RARB: variants seen among roughly 807,000 people sequenced by gnomAD.
RARB encodes HBV-activated protein.
Under a neutral mutation model 51.9 loss-of-function variants are expected in RARB, and 17 were observed. The observed-to-expected ratio is 0.33, with a 90% CI of 0.22 to 0.49. The LOEUF (loss-of-function observed/expected upper bound fraction) is 0.49, where lower values mean the gene tolerates loss of function less well. Among genes scored for constraint, RARB ranks in the 20% least tolerant of loss-of-function variants. The pLI, the probability that RARB is intolerant of heterozygous loss-of-function variation, is 0.99. For missense variants in RARB, 369 were observed against 550.8 expected, an observed-to-expected ratio of 0.67 and a Z score of 3.30; for synonymous variants, 215 against 195.4, an observed-to-expected ratio of 1.10 and a Z score of -0.84.
At chr3:24,854,242 G>T (rs578104972) in intron 1 of RARB, among the ~76,000 whole-genome samples, 1 of 152,184 alleles carries the variant, frequency 6.6e-6, no homozygotes, top group African/African-American at 2.4e-5. Context: ...TAGTAAATGA[G>T]CTGAGGGGTC....
intron 2 of RARB, among the ~76,000 whole-genome samples, chr3:24,964,438 T>G (rs1209744800): frequency 6.6e-6 from 1 of 152,198 alleles, no homozygotes. Flanking sequence ...TTGAGTCATC[T>G]TTTCAAGACC....
chr3:25,068,097 G>T (rs1320706605), intron 3 of RARB, among the ~76,000 whole-genome samples: 1 of 118,352 alleles, frequency 8.4e-6, no homozygotes, highest in Non-Finnish European at 1.6e-5. Flanking sequence ...TTGCACCATC[G>T]CACTTCAGCC....
chr3:24,890,177 A>G (rs1703350281), intron 2 of RARB, among the ~76,000 whole-genome samples: 1 of 152,198 alleles, frequency 6.6e-6, no homozygotes, highest in African/African-American at 2.4e-5. Context: ...CTCTAAAAGC[A>G]CGAGTCTTTA....
Position 25,148,223 on chromosome 3 carries a change from CAG to C in RARB, c.-280+16016_-280+16017del, listed in dbSNP as rs72473536. On this transcript the variant is annotated intron_variant, in intron 4 of 11. Transcript: ENST00000383772. ...ATGTAAGCCTTCTGAATGAGCCAAT[CAG>C]GGGGGCATTTTGCTGGCAGGTCTAA... 3.2e-3 allele frequency among the ~76,000 whole-genome samples: 481 copies of C among 151,890 alleles called. 2 individuals carry two copies. The highest frequency in any genetic ancestry group is 0.011 in the African/African-American group (447 of 41,446).
chr3:25,265,382 A>T (rs79226544), intron 5 of RARB, among the ~76,000 whole-genome samples: 1 of 152,186 alleles, frequency 6.6e-6, no homozygotes, highest in Non-Finnish European at 1.5e-5. Flanking sequence ...ATTTGTATCA[A>T]TTGACATCTC....
chr3:24,862,698 G>A (rs1296838104), intron 2 of RARB, among the ~76,000 whole-genome samples: 3 of 152,268 alleles, frequency 2.0e-5, no homozygotes, highest in Middle Eastern at 3.4e-3. Context: ...AGTATCCACT[G>A]GGGGTCTTGG....
intron 5 of RARB, among the ~76,000 whole-genome samples, chr3:25,204,768 C>T (rs1057330564): frequency 2.0e-5 from 3 of 152,146 alleles, no homozygotes; most frequent in Admixed American, 1.3e-4. Context: ...ATGTTGCTGC[C>T]TGAATGTTCC....
intron 1 of RARB, among the ~76,000 whole-genome samples, chr3:25,445,973 A>C (rs1393840598): frequency 6.6e-6 from 1 of 152,236 alleles, no homozygotes; most frequent in African/African-American, 2.4e-5. Flanking sequence ...AAAGGTATTA[A>C]AACTCCCATA....
intron 1 of RARB, among the ~76,000 whole-genome samples, chr3:24,845,427 T>C (rs1431262099): frequency 6.6e-6 from 1 of 152,180 alleles, no homozygotes; most frequent in Non-Finnish European, 1.5e-5. Flanking sequence ...GTCTTCCATG[T>C]GTGGTTTCCT....
intron 5 of RARB, among the ~76,000 whole-genome samples, chr3:25,400,050 A>G (rs1707223119): frequency 6.6e-6 from 1 of 152,242 alleles, no homozygotes; most frequent in Non-Finnish European, 1.5e-5. Flanking sequence ...TATGCTTAGA[A>G]TAATGCCAGG....
chr3:25,155,129 A>C (rs1399197118), intron 4 of RARB, among the ~76,000 whole-genome samples: 1 of 152,200 alleles, frequency 6.6e-6, no homozygotes, highest in Non-Finnish European at 1.5e-5. Flanking sequence ...TATTCCATCT[A>C]AAATGAAATA....
intron 1 of RARB, among the ~76,000 whole-genome samples, chr3:25,439,270 G>A (rs1167267729): frequency 1.3e-5 from 2 of 152,064 alleles, no homozygotes; most frequent in Non-Finnish European, 2.9e-5. Context: ...TATTTGCTAG[G>A]TATTTTAAGT....
intron 5 of RARB, among the ~76,000 whole-genome samples, chr3:25,184,270 A>G (rs1218761436): frequency 6.6e-6 from 1 of 152,082 alleles, no homozygotes; most frequent in Non-Finnish European, 1.5e-5. Flanking sequence ...AAGCTTTGCA[A>G]ATGTTCAGAC....
chr3:25,384,958 T>A (rs1288435100), intron 5 of RARB, among the ~76,000 whole-genome samples: 1 of 152,192 alleles, frequency 6.6e-6, no homozygotes, highest in African/African-American at 2.4e-5. Context: ...ATTATTCCAC[T>A]CTGGATGGCA....
chr3:24,861,045 C>T (rs1046041698), intron 2 of RARB, among the ~76,000 whole-genome samples: 4 of 152,176 alleles, frequency 2.6e-5, no homozygotes, highest in African/African-American at 9.7e-5. Flanking sequence ...ACATGACTGT[C>T]TTATATTTGG....
At chr3:25,026,474 C>T (rs1697750680) in intron 2 of RARB, among the ~76,000 whole-genome samples, 1 of 152,128 alleles carries the variant, frequency 6.6e-6, no homozygotes, top group African/African-American at 2.4e-5. Context: ...CTCACGTGGT[C>T]TTTTTTCCTG....
At chr3:25,371,516 T>A (rs1211412316) in intron 5 of RARB, among the ~76,000 whole-genome samples, 1 of 152,250 alleles carries the variant, frequency 6.6e-6, no homozygotes, top group African/African-American at 2.4e-5. Context: ...GATTTGCTGA[T>A]TATTGAATTA....
intron 5 of RARB, among the ~76,000 whole-genome samples, chr3:25,257,161 C>T (rs1277686510): frequency 1.3e-5 from 2 of 152,034 alleles, no homozygotes; most frequent in African/African-American, 4.8e-5. Flanking sequence ...TTCAGCATGA[C>T]TCAGTAATGT....
chr3:25,449,331 G>A (rs909973057), intron 1 of RARB, among the ~76,000 whole-genome samples: 2 of 152,162 alleles, frequency 1.3e-5, no homozygotes, highest in Non-Finnish European at 2.9e-5. Context: ...TCTAATTCCT[G>A]TGTTTGCTTC....
Sources: gnomAD v4.1 joint callset for allele counts (sites outside exome capture counted in the v4.1 genomes callset) on GRCh38, gnomAD v4.1.1 for gene constraint, MANE v1.5 for transcripts, NCBI Gene and HGNC (gene_info 2026-07-23, HGNC 2026-07-21) for gene names.